MCC: variants seen among roughly 807,000 people sequenced by gnomAD.
MCC encodes the protein colorectal mutant cancer protein.
In MCC, 90 loss-of-function variants were observed where a neutral mutation model predicts 116.2. That is an observed-to-expected ratio of 0.77 (90% CI 0.65 to 0.92). The LOEUF (loss-of-function observed/expected upper bound fraction) is 0.92. Among genes scored for constraint, MCC ranks in the 40% least tolerant of loss-of-function variants. MCC has a pLI of 0.00. For missense variants in MCC, 1,516 were observed against 1,312.2 expected (o/e 1.16, Z -2.40); for synonymous variants, 578 against 510.5 (o/e 1.13, Z -1.78).
At chr5:113,063,818 C>G (rs1429117987) in intron 14 of MCC, among the ~76,000 whole-genome samples, 166 bp downstream of exon 14, 2 of 152,230 alleles carry the variant, frequency 1.3e-5, no homozygotes, top group South Asian at 2.1e-4. Flanking sequence ...CTCTTCTGTT[C>G]TGATCTTCTG....
intron 2 of MCC, among the ~76,000 whole-genome samples, chr5:113,345,062 G>T (rs1768099919): frequency 6.6e-6 from 1 of 152,212 alleles, no homozygotes; most frequent in Middle Eastern, 3.4e-3. Flanking sequence ...AGGCCTCACA[G>T]CATTCACCAA....
intron 1 of MCC, among the ~76,000 whole-genome samples, chr5:113,487,064 G>A (rs968806920): frequency 2.6e-5 from 4 of 152,048 alleles, no homozygotes; most frequent in African/African-American, 9.7e-5. Context: ...CAAGTTTTCT[G>A]ATATCTTCCT....
At chr5:113,188,058 C>T (rs1162796636) in intron 3 of MCC, among the ~76,000 whole-genome samples, 1 of 152,176 alleles carries the variant, frequency 6.6e-6, no homozygotes, top group Non-Finnish European at 1.5e-5. Context: ...GCCTCTCTCA[C>T]TCCCGGGGTT....
chr5:113,370,769 G>A (rs1287848269), intron 2 of MCC, among the ~76,000 whole-genome samples: 1 of 152,076 alleles, frequency 6.6e-6, no homozygotes, highest in African/African-American at 2.4e-5. Flanking sequence ...TGCATACACA[G>A]ACACCCCCTC....
At chr5:113,356,928 A>C (rs533927360) in intron 2 of MCC, among the ~76,000 whole-genome samples, 6 of 152,242 alleles carry the variant, frequency 3.9e-5, no homozygotes, top group African/African-American at 1.2e-4. Context: ...ATGAATTGCC[A>C]CAACATTTTT....
chr5:113,030,565 T>A lies in MCC; in HGVS notation c.2757-1509A>T, dbSNP rs368045899. On this transcript the variant is annotated intron_variant, in intron 17 of 18. Coordinates refer to ENST00000408903, the MANE Select transcript of MCC (RefSeq NM_001085377.2). The stretch of plus-strand genomic sequence containing the variant: ...TATGGTGGGTCATGCCTGTAGTCCA[T>A]GCTACTCAGGAGGCTAAGTTGGGAG... 1.2e-3 allele frequency among the ~76,000 whole-genome samples: 178 copies of A among 152,152 alleles called. 1 individual carries two copies. The highest frequency in any genetic ancestry group is 4.1e-3 in the African/African-American group (172 of 41,504).
intron 12 of MCC, among the ~76,000 whole-genome samples, chr5:113,070,147 G>T (rs1753937799): frequency 6.6e-6 from 1 of 152,202 alleles, no homozygotes; most frequent in African/African-American, 2.4e-5. Context: ...CAGAATGATT[G>T]CTCTCTAGCT....
At chr5:113,073,576 C>T (rs1003029268) in intron 11 of MCC, among the ~76,000 whole-genome samples, 4 of 152,210 alleles carry the variant, frequency 2.6e-5, no homozygotes, top group Non-Finnish European at 5.9e-5. Context: ...CATTTCAGTT[C>T]CGCTGGCCTT....
intron 1 of MCC, among the ~76,000 whole-genome samples, chr5:113,389,814 T>C (rs1769360669): frequency 6.6e-6 from 1 of 152,158 alleles, no homozygotes; most frequent in African/African-American, 2.4e-5. Flanking sequence ...ATGATCTTTC[T>C]TTTAAAGAGG....
chr5:113,095,808 G>T (rs1051741447), intron 8 of MCC, among the ~76,000 whole-genome samples: 1 of 152,102 alleles, frequency 6.6e-6, no homozygotes, highest in Non-Finnish European at 1.5e-5. Context: ...AATCTGGGGG[G>T]TGTCTAGTCT....
chr5:113,352,157 T>C (rs1436947888), intron 2 of MCC, among the ~76,000 whole-genome samples: 2 of 152,198 alleles, frequency 1.3e-5, no homozygotes, highest in Admixed American at 6.5e-5. Flanking sequence ...TACTCTCTTT[T>C]AATCTGTCTT....
At chr5:113,178,558 C>T (rs1761454769) in intron 3 of MCC, among the ~76,000 whole-genome samples, 1 of 152,154 alleles carries the variant, frequency 6.6e-6, no homozygotes, top group Admixed American at 6.5e-5. Context: ...ACCACATTTC[C>T]TCCTCACCCC....
Position 113,459,857 on chromosome 5 carries a change from C to CACACACAG in MCC, c.170+28387_170+28388insCTGTGTGT, listed in dbSNP as rs1222829520. Among the ~76,000 whole-genome samples the CACACACAG allele has an allele frequency of 8.2e-5, 12 of 146,532 alleles. No homozygotes were observed. The South Asian group carries it at 2.4e-3, about 30-fold the overall frequency. On this transcript the variant is annotated intron_variant, in intron 1 of 18. Transcript: ENST00000408903. ...ACACACACACACACACACACACACA[C>CACACACAG]AGGCATGCATACATATGTGCACACC...
intron 8 of MCC, among the ~76,000 whole-genome samples, chr5:113,091,044 T>C (rs1276240382): frequency 1.3e-5 from 2 of 152,112 alleles, no homozygotes; most frequent in Non-Finnish European, 2.9e-5. Flanking sequence ...CTTGAGCTGA[T>C]CCCTCTGCCT....
intron 8 of MCC, among the ~76,000 whole-genome samples, chr5:113,098,883 C>T (rs1341869808): frequency 6.6e-6 from 1 of 152,156 alleles, no homozygotes; most frequent in Admixed American, 6.5e-5. Flanking sequence ...ACAAAGACAG[C>T]AAAGGCAAAC....
chr5:113,443,217 C>T (rs1249881497), intron 1 of MCC, among the ~76,000 whole-genome samples: 3 of 152,124 alleles, frequency 2.0e-5, no homozygotes, highest in African/African-American at 4.8e-5. Context: ...CTTCACATTG[C>T]TTGTAAGTTG....
chr5:113,412,633 C>T lies in MCC; in HGVS notation c.171-27421G>A, dbSNP rs527861698. 6.6e-5 allele frequency among the ~76,000 whole-genome samples: 10 copies of T among 152,270 alleles called. No homozygotes were observed. In the East Asian group the frequency reaches 1.5e-3, roughly 24 times the overall value. On this transcript the variant is annotated intron_variant, in intron 1 of 18. Coordinates refer to ENST00000408903, the MANE Select transcript of MCC (RefSeq NM_001085377.2). ...TGCACACTGATTTTGTATACTGAGA[C>T]GTTGCTGAAGTTGCTTATCAGCTAA... is the stretch of plus-strand genomic sequence containing the variant.
At chr5:113,188,679 C>T (rs996642744) in intron 3 of MCC, among the ~76,000 whole-genome samples, 1 of 152,168 alleles carries the variant, frequency 6.6e-6, no homozygotes, top group African/African-American at 2.4e-5. Context: ...ATGCACACAT[C>T]ACCCTGTTTA....
chr5:113,245,290 C>CAAAAAAA (rs560902639), intron 3 of MCC, among the ~76,000 whole-genome samples: 1 of 90,890 alleles, frequency 1.1e-5, no homozygotes, highest in African/African-American at 3.6e-5. Context: ...AACTCCATCT[C>CAAAAAAA]AAAAAAAAAA....
Sources: gnomAD v4.1 joint callset for allele counts (sites outside exome capture counted in the v4.1 genomes callset) on GRCh38, gnomAD v4.1.1 for gene constraint, MANE v1.5 for transcripts, NCBI Gene and HGNC (gene_info 2026-07-23, HGNC 2026-07-21) for gene names.